Variants in MAST2 observed in about 807,000 individuals in gnomAD.
MAST2 encodes the protein microtubule-associated serine/threonine-protein kinase 2.
Under a neutral mutation model 147.4 loss-of-function variants are expected in MAST2, and 70 were observed. The observed-to-expected ratio is 0.47, with a 90% CI of 0.39 to 0.58. The LOEUF (loss-of-function observed/expected upper bound fraction) is 0.58. Among genes scored for constraint, MAST2 ranks in the 20% least tolerant of loss-of-function variants. The pLI is 0.00. For synonymous variants in MAST2, 869 were observed against 896.8 expected (o/e 0.97, Z 0.55); for missense variants, 2,080 against 2,302.3 (o/e 0.90, Z 1.98).
At chr1:45,976,861 T>C (rs1444412132) in intron 5 of MAST2, among the ~76,000 whole-genome samples, 2 of 152,198 alleles carry the variant, frequency 1.3e-5, no homozygotes, top group Non-Finnish European at 2.9e-5. Flanking sequence ...TTGATACCCT[T>C]AACTTAGATA....
chr1:45,832,480 T>G (rs1004534462), intron 3 of MAST2, among the ~76,000 whole-genome samples: 2 of 151,768 alleles, frequency 1.3e-5, no homozygotes, highest in Non-Finnish European at 2.9e-5. Flanking sequence ...TTTTCAGTAG[T>G]GATGGGGTTT....
chr1:45,824,566 C>A lies in MAST2; in HGVS notation c.311C>A (p.Ala104Asp). Residue 104 changes from alanine (A) to aspartate (D), a missense_variant, in exon 2 of 29, where the codon GCC becomes GAC. Transcript: ENST00000361297. Reference protein sequence around the residue: ...DDCKLWRGNLASSLSGKQLLP... With the variant: ...DDCKLWRGNLDSSLSGKQLLP... ...TGTAAGTTATGGAGAGGAAACCTGGCCAGCTCTCTATCGGGTAAATATCTG... is the reference window on the plus strand; with the variant it reads ...TGTAAGTTATGGAGAGGAAACCTGGACAGCTCTCTATCGGGTAAATATCTG... The A allele has an allele frequency of 6.3e-7, 1 of 1,598,306 alleles. No individual in the cohort carries two copies. The highest frequency in any genetic ancestry group is 8.5e-7 in the Non-Finnish European group (1 of 1,170,302).
At chr1:45,888,592 G>C (rs1023511946) in intron 4 of MAST2, among the ~76,000 whole-genome samples, 6 of 147,398 alleles carry the variant, frequency 4.1e-5, no homozygotes, top group Non-Finnish European at 8.9e-5. Context: ...TCGATCTGCT[G>C]AACTTGTGAT....
At chr1:45,955,635 A>AGC (rs1659548610) in intron 4 of MAST2, among the ~76,000 whole-genome samples, 1 of 152,164 alleles carries the variant, frequency 6.6e-6, no homozygotes, top group Non-Finnish European at 1.5e-5. Flanking sequence ...GAGGGGAGCA[A>AGC]GCCTTGAGGC....
chr1:45,829,528 C>G lies in MAST2; in HGVS notation c.415C>G (p.Arg139Gly). The G allele has an allele frequency of 1.2e-6, 2 of 1,614,142 alleles. No homozygotes were observed. The highest frequency in any genetic ancestry group is 1.7e-6 in the Non-Finnish European group (2 of 1,180,004). Residue 139 changes from arginine (R) to glycine (G), a missense_variant, in exon 3 of 29, where the codon CGA becomes GGA. Transcript: ENST00000361297. ...GTCAGGAGAAGCATCAAACCTGGTT[C>G]GAATGAGAAACCAGTCCCTTGGACA... is the stretch of plus-strand genomic sequence containing the variant. ...QSSGEASNLV[R>G]MRNQSLGQSA...
In MAST2 at chr1:46,030,254, C is replaced by A; in HGVS notation, c.2553+16C>A. 1 of 1,610,326 alleles carries A rather than the reference C, an allele frequency of 6.2e-7. No homozygotes were observed. Among genetic ancestry groups the A allele is most frequent in the South Asian group, 1.1e-5 (1 of 90,766 alleles). ...GTTCAACAAGGTGTGACTGAGGAGG[C>A]CCAGAATGGGCAGAACAGGCTGGAG... On this transcript the variant is annotated intron_variant, in intron 21 of 28. Coordinates refer to ENST00000361297, the MANE Select transcript of MAST2 (RefSeq NM_015112.3).
At chr1:45,885,206 A>C (rs935442484) in intron 4 of MAST2, among the ~76,000 whole-genome samples, 1 of 152,152 alleles carries the variant, frequency 6.6e-6, no homozygotes, top group Admixed American at 6.5e-5. Context: ...AGGAGGGGGC[A>C]TCATATTTGT....
chr1:45,960,956 G>A (rs1022568138), intron 5 of MAST2, among the ~76,000 whole-genome samples: 2 of 152,210 alleles, frequency 1.3e-5, no homozygotes, highest in Non-Finnish European at 2.9e-5. Context: ...TTTGGAGGGA[G>A]AAAGTGAGGG....
At chr1:45,893,209 T>TCA (rs1648138653) in intron 4 of MAST2, among the ~76,000 whole-genome samples, 1 of 152,066 alleles carries the variant, frequency 6.6e-6, no homozygotes, top group Non-Finnish European at 1.5e-5. Context: ...ATTTATTTAT[T>TCA]TATTTATTTT....
rs1290665646 is a variant in MAST2 at position 46,034,221 on chromosome 1, T to C, written c.3823T>C (p.Ser1275Pro). The C allele has an allele frequency of 6.2e-7, 1 of 1,613,792 alleles. No individual in the cohort carries two copies. The highest frequency in any genetic ancestry group is 1.3e-5 in the African/African-American group (1 of 74,844). The change falls in exon 28 of 29, where the codon TCT becomes CCT. Residue 1275 changes from serine (S) to proline (P), a missense_variant. Around this residue, in one of 4 missense-constraint regions of MAST2, gnomAD observed 1,278 missense variants for 1,304.2 expected, o/e 0.98. Transcript: ENST00000361297. Reference protein sequence around the residue: ...PTHSHSLSPRSPTQGYRVTPD... With the variant: ...PTHSHSLSPRPPTQGYRVTPD... The stretch of plus-strand genomic sequence containing the variant: ...ACACAGCCACAGCCTTTCCCCCCGA[T>C]CTCCCACTCAAGGCTACCGGGTGAC...
intron 3 of MAST2, among the ~76,000 whole-genome samples, chr1:45,879,848 C>T (rs1263181372): frequency 6.6e-6 from 1 of 152,082 alleles, no homozygotes; most frequent in African/African-American, 2.4e-5. Flanking sequence ...ATGAGATACC[C>T]GTACACACCT....
At chr1:45,846,824 T>A (rs1177948603) in intron 3 of MAST2, among the ~76,000 whole-genome samples, 8 of 146,564 alleles carry the variant, frequency 5.5e-5, no homozygotes, top group African/African-American at 2.0e-4. Context: ...GACTCCGTCT[T>A]AAAAAAAAAA....
intron 4 of MAST2, among the ~76,000 whole-genome samples, chr1:45,943,780 T>G (rs906097962): frequency 6.6e-6 from 1 of 152,038 alleles, no homozygotes; most frequent in East Asian, 1.9e-4. Flanking sequence ...AAAAAATAGG[T>G]TTTGCTTTAA....
At chr1:45,863,302 C>G (rs537377258) in intron 3 of MAST2, among the ~76,000 whole-genome samples, 1 of 152,284 alleles carries the variant, frequency 6.6e-6, no homozygotes, top group African/African-American at 2.4e-5. Context: ...AGGCCTATGA[C>G]TTTGCAGACA....
intron 3 of MAST2, among the ~76,000 whole-genome samples, chr1:45,853,791 G>A (rs902135676): frequency 2.0e-5 from 3 of 151,552 alleles, no homozygotes; most frequent in African/African-American, 7.3e-5. Context: ...TGTTCTTGGT[G>A]TCATGTCTAA....
In MAST2 at chr1:45,868,188, A is replaced by G. The variant is rs75734880; in HGVS notation, c.469-14176A>G. Among the ~76,000 whole-genome samples, 63 of 152,258 alleles carry G rather than the reference A, an allele frequency of 4.1e-4. No homozygotes were observed. The East Asian group carries it at 9.8e-3, about 24-fold the overall frequency. On this transcript the variant is annotated intron_variant, in intron 3 of 28. Coordinates refer to ENST00000361297, the MANE Select transcript of MAST2 (RefSeq NM_015112.3). ...TGTGGTAAAAATTGGCTTTCATCTT[A>G]CATCTACTTTTGAAGCATCTACACA...
At chr1:45,863,058 C>CT (rs1646032154) in intron 3 of MAST2, among the ~76,000 whole-genome samples, 1 of 152,000 alleles carries the variant, frequency 6.6e-6, no homozygotes, top group South Asian at 2.1e-4. Context: ...TTTTGGTAAT[C>CT]TTTCCTCATC....
chr1:45,855,696 G>A (rs1432501791), intron 3 of MAST2, among the ~76,000 whole-genome samples: 1 of 152,018 alleles, frequency 6.6e-6, no homozygotes, highest in Non-Finnish European at 1.5e-5. Context: ...GTTTTCGTGT[G>A]CCGATCTTGT....
At chr1:45,969,969 C>G (rs1419309403) in intron 5 of MAST2, among the ~76,000 whole-genome samples, 1 of 152,048 alleles carries the variant, frequency 6.6e-6, no homozygotes, top group Non-Finnish European at 1.5e-5. Flanking sequence ...CTCAGTATTT[C>G]CCCCACACCA....
Sources: allele counts gnomAD v4.1 joint callset (sites outside exome capture counted in the v4.1 genomes callset), GRCh38; gene constraint gnomAD v4.1.1; regional missense constraint gnomAD v4.1.1; transcripts MANE v1.5; gene names NCBI Gene and HGNC (gene_info 2026-07-23, HGNC 2026-07-21).